The following STPG4 variants were observed in gnomAD, a reference collection of about 807,000 sequenced individuals.
STPG4 encodes the protein sperm-tail PG-rich repeat containing 4, also known as protein STPG4.
STPG4 carries 41 observed loss-of-function variants against 31.5 expected under a neutral mutation model. The ratio of observed to expected loss-of-function variants is 1.30; its 90% CI spans 1.01 to 1.69. The LOEUF is 1.69. Ranked by LOEUF, STPG4 falls within the 40% of genes most tolerant of loss-of-function variation. STPG4 has a pLI of 0.00. For missense variants in STPG4, 375 were observed against 293.4 expected (o/e 1.28, Z -2.03); for synonymous variants, 141 against 103.0 (o/e 1.37, Z -2.24).
intron 5 of STPG4, among the ~76,000 whole-genome samples, chr2:47,098,456 T>C (rs1284275960): frequency 6.6e-6 from 1 of 152,230 alleles, no homozygotes; most frequent in Non-Finnish European, 1.5e-5. Flanking sequence ...AACCAGTTAC[T>C]GGCCTTGCTT....
chr2:47,093,893 G>A (rs897597681), intron 5 of STPG4, among the ~76,000 whole-genome samples: 5 of 152,204 alleles, frequency 3.3e-5, no homozygotes, highest in East Asian at 1.9e-4. Context: ...GCTCATGGCC[G>A]GGCCCTGCAA....
At chr2:47,127,059 G>T (rs1393582678) in intron 5 of STPG4, among the ~76,000 whole-genome samples, 1 of 151,658 alleles carries the variant, frequency 6.6e-6, no homozygotes, top group Admixed American at 6.6e-5. Flanking sequence ...TTTTTCTCTA[G>T]GTTTGGAACG....
chr2:47,150,661 T>G (rs898996735), intron 3 of STPG4, among the ~76,000 whole-genome samples: 1 of 151,766 alleles, frequency 6.6e-6, no homozygotes, highest in South Asian at 2.1e-4. Flanking sequence ...TTTTTTTTTT[T>G]TTTTAAAGAG....
chr2:47,144,656 G>A lies in STPG4; in HGVS notation c.399+6602C>T, dbSNP rs116073880. Among the ~76,000 whole-genome samples the A allele has an allele frequency of 6.6e-3, 1,005 of 152,000 alleles. 4 individuals are homozygous for A. Among genetic ancestry groups the A allele is most frequent in the Admixed American group, 1.0e-2 (152 of 15,266 alleles). ...AAATGACATGCTAGGTTATTTATTC[G>A]GGCGATTAACCTTCCCACTGCTGAC... On this transcript the variant is annotated intron_variant, in intron 3 of 6. Coordinates refer to ENST00000445927, the MANE Select transcript of STPG4 (RefSeq NM_001163561.2).
At chr2:47,154,375 C>T (rs979022887) in intron 1 of STPG4, among the ~76,000 whole-genome samples, 28 of 152,172 alleles carry the variant, frequency 1.8e-4, no homozygotes, top group Admixed American at 1.8e-3. Context: ...GCCTCCCACC[C>T]CTACCCCAGA....
chr2:47,102,846 G>A (rs1460178047), intron 5 of STPG4, among the ~76,000 whole-genome samples: 1 of 151,816 alleles, frequency 6.6e-6, no homozygotes, highest in African/African-American at 2.4e-5. Context: ...AGGCAGACCT[G>A]GGGAGGTTTT....
chr2:47,135,334 C>T (rs928040078), intron 3 of STPG4, among the ~76,000 whole-genome samples: 1 of 152,124 alleles, frequency 6.6e-6, no homozygotes, highest in African/African-American at 2.4e-5. Context: ...TTGTAATCAA[C>T]TTTGAGTTCA....
intron 5 of STPG4, among the ~76,000 whole-genome samples, chr2:47,109,872 C>CAT (rs1241780296): frequency 1.3e-5 from 2 of 152,182 alleles, no homozygotes; most frequent in African/African-American, 4.8e-5. Context: ...GGTTTGAGGG[C>CAT]ATAGTCTATG....
intron 5 of STPG4, among the ~76,000 whole-genome samples, chr2:47,090,825 G>C (rs1371507510): frequency 6.6e-6 from 1 of 152,176 alleles, no homozygotes; most frequent in Non-Finnish European, 1.5e-5. Context: ...GTCCAAAAAA[G>C]TATTCATAGC....
intron 5 of STPG4, among the ~76,000 whole-genome samples, chr2:47,096,197 AAAAT>A (rs1440384490): frequency 6.6e-6 from 1 of 152,228 alleles, no homozygotes; most frequent in African/African-American, 2.4e-5. Flanking sequence ...TACCTTACCA[AAAAT>A]AAATAAATCA....
chr2:47,117,894 G>T (rs1686183294), intron 5 of STPG4, among the ~76,000 whole-genome samples: 1 of 151,200 alleles, frequency 6.6e-6, no homozygotes, highest in South Asian at 2.1e-4. Context: ...GGGGGAAGTT[G>T]TCACTTTAGA....
intron 5 of STPG4, among the ~76,000 whole-genome samples, chr2:47,106,354 G>A (rs896355229): frequency 2.0e-5 from 3 of 151,788 alleles, no homozygotes; most frequent in Non-Finnish European, 4.4e-5. Flanking sequence ...ACCCCTCAAA[G>A]CTCAAGTCCG....
chr2:47,105,813 G>A (rs1685898791), intron 5 of STPG4, among the ~76,000 whole-genome samples: 1 of 152,040 alleles, frequency 6.6e-6, no homozygotes, highest in South Asian at 2.1e-4. Flanking sequence ...CAGATAGCAA[G>A]TATGCTTATC....
intron 5 of STPG4, among the ~76,000 whole-genome samples, chr2:47,123,161 A>G (rs1359346028): frequency 1.3e-5 from 2 of 152,180 alleles, no homozygotes; most frequent in Non-Finnish European, 2.9e-5. Context: ...GATGATTTAT[A>G]TAATTATTTA....
At chr2:47,100,313 A>G (rs1183684908) in intron 5 of STPG4, among the ~76,000 whole-genome samples, 3 of 150,864 alleles carry the variant, frequency 2.0e-5, no homozygotes, top group African/African-American at 7.3e-5. Context: ...CCCTGTGTCT[A>G]GCTCAGGGTT....
chr2:47,108,997 C>A (rs1057360176), intron 5 of STPG4, among the ~76,000 whole-genome samples: 1 of 152,240 alleles, frequency 6.6e-6, no homozygotes, highest in South Asian at 2.1e-4. Flanking sequence ...AGGTTATAGG[C>A]ACCAGTACAT....
chr2:47,116,405 C>T (rs1686153403), intron 5 of STPG4, among the ~76,000 whole-genome samples: 5 of 152,176 alleles, frequency 3.3e-5, no homozygotes, highest in African/African-American at 1.2e-4. Context: ...GTCAAAATTG[C>T]TCATCTTATA....
chr2:47,093,909 G>T (rs192805925), intron 5 of STPG4, among the ~76,000 whole-genome samples: 2 of 152,212 alleles, frequency 1.3e-5, no homozygotes, highest in Non-Finnish European at 2.9e-5. Flanking sequence ...TGCAATGGCC[G>T]GGCAACAGCT....
intron 5 of STPG4, among the ~76,000 whole-genome samples, chr2:47,117,811 T>C (rs1686181872): frequency 6.6e-6 from 1 of 152,180 alleles, no homozygotes; most frequent in East Asian, 1.9e-4. Flanking sequence ...TGAAAGAACT[T>C]GCATATGAAC....
Sources: allele counts gnomAD v4.1 joint callset (sites outside exome capture counted in the v4.1 genomes callset), GRCh38; gene constraint gnomAD v4.1.1; transcripts MANE v1.5; gene names NCBI Gene and HGNC (gene_info 2026-07-23, HGNC 2026-07-21).